The following NLRP6 variants were observed in gnomAD, a reference collection of about 807,000 sequenced individuals.
NLRP6 encodes NACHT, LRR and PYD domains-containing protein 6.
In NLRP6, 55 loss-of-function variants were observed where a neutral mutation model predicts 70.9. The observed-to-expected ratio is 0.78, with a 90% CI of 0.62 to 0.97. The LOEUF (loss-of-function observed/expected upper bound fraction) is 0.97, where lower values mean the gene tolerates loss of function less well. Ranked by LOEUF, NLRP6 falls within the 50% of genes least tolerant of loss-of-function variation. The probability of loss-of-function intolerance (pLI) is 0.00; values close to 1 mark genes in which losing one functional copy is unlikely to be tolerated. For synonymous variants in NLRP6, 652 were observed against 581.9 expected (o/e 1.12, Z -1.73); for missense variants, 1,241 against 1,238.3 (o/e 1.00, Z -0.03).
Position 280,229 on chromosome 11 carries a change from C to G in NLRP6, c.495C>G (p.Pro165=), listed in dbSNP as rs1188307959. The G allele has an allele frequency of 1.9e-6, 3 of 1,542,932 alleles. No homozygotes were observed. The highest frequency in any genetic ancestry group is 2.6e-6 in the Non-Finnish European group (3 of 1,144,568). ...ESAAPEEAMG[P]AEEPEPGRAR... is the part of the protein sequence containing the mutation. ...CCGCCCCGGAGGAGGCGATGGGGCCCGCGGAAGAGCCTGAGCCGGGGCGCG... is the reference window on the plus strand; with the variant it reads ...CCGCCCCGGAGGAGGCGATGGGGCCGGCGGAAGAGCCTGAGCCGGGGCGCG... Residue 165 remains proline, a synonymous_variant, in exon 4 of 8, where the codon CCC becomes CCG. Coordinates refer to ENST00000534750, the MANE Select transcript of NLRP6 (RefSeq NM_001276700.2).
Position 278,494 on chromosome 11 carries a change from C to A in NLRP6, c.-76C>A. On this transcript the variant is annotated 5_prime_UTR_variant, in exon 1 of 8. Coordinates refer to ENST00000534750, the MANE Select transcript of NLRP6 (RefSeq NM_001276700.2). This position sits in a 1 kb window ranked among gnomAD's most constrained non-coding sequence, Gnocchi z 4.7. ...GACAACCTCTAAGACTTGGCTCCAG[C>A]TCAGCCTGTGAAGGAATCACCTCTC... The A allele has an allele frequency of 1.5e-6, 2 of 1,292,016 alleles. No individual in the cohort carries two copies. Among genetic ancestry groups the A allele is most frequent in the Non-Finnish European group, 2.1e-6 (2 of 956,032 alleles). The allele number at this position is 1,292,016 out of a possible 1,614,324, so 80.0% of individuals were successfully genotyped here. A position where few individuals can be genotyped will look rare whatever the true frequency, so the allele number is the denominator to read the frequency against.
intron 5 of NLRP6, among the ~76,000 whole-genome samples, chr11:283,357 A>G (rs192525900): frequency 2.7e-4 from 34 of 127,348 alleles, no homozygotes; most frequent in African/African-American, 1.0e-3. Context: ...TCTGTCGCCC[A>G]GGCTGGAGTG....
chr11:280,200 A>T lies in NLRP6; in HGVS notation c.466A>T (p.Ser156Cys), dbSNP rs1420010247. ...CACCAAGCTGCTCATCGCGCCCGAG[A>T]GCGCCGCCCCGGAGGAGGCGATGGG... ...RFTKLLIAPE[S>C]AAPEEAMGPA... Residue 156 changes from serine to cysteine, a missense_variant, in exon 4 of 8, where the codon AGC (serine) becomes TGC (cysteine). Transcript: ENST00000534750. The T allele has an allele frequency of 6.5e-7, 1 of 1,547,008 alleles. No homozygotes were observed.
At chr11:283,470 C>G (rs576202821) in intron 5 of NLRP6, among the ~76,000 whole-genome samples, 3 of 152,116 alleles carry the variant, frequency 2.0e-5, no homozygotes, top group African/African-American at 7.2e-5. Flanking sequence ...CCCGCCACTA[C>G]GCCCGGCTAA....
rs1307790031 is a variant in NLRP6, at chr11:281,574, G to T, written c.1840G>T (p.Glu614Ter). The T allele has an allele frequency of 1.9e-6, 3 of 1,611,194 alleles. No individual in the cohort carries two copies. Among genetic ancestry groups the T allele is most frequent in the Non-Finnish European group, 2.5e-6 (3 of 1,178,812 alleles). Reference protein sequence around the residue: ...EEPEEEEEGEEPNYPLELLYC... With the variant: ...EEPEEEEEGE ...GCCAGAGGAGGAGGAGGAGGGAGAG[G>T]AGCCCAACTACCCACTGGAGTTGCT... The change falls in exon 4 of 8, where the codon GAG (glutamate) becomes TAG (stop). Residue 614 changes from glutamate (E) to a stop codon, truncating the protein, a stop_gained. Coordinates refer to ENST00000534750, the MANE Select transcript of NLRP6 (RefSeq NM_001276700.2). LOFTEE classifies it high-confidence loss of function.
chr11:284,395 G>C lies in NLRP6; in HGVS notation c.2364G>C (p.Thr788=), dbSNP rs138103882. The part of the protein sequence containing the change: ...GLAWPQCRVQ[T]VRVQLPDPQR... Reference sequence around the variant, plus strand: ...CCTGGCCGCAGTGCAGGGTGCAGACGGTCAGGTGAGGCCTGGCCTGGGAGG... The same window carrying C: ...CCTGGCCGCAGTGCAGGGTGCAGACCGTCAGGTGAGGCCTGGCCTGGGAGG... Residue 788 remains threonine (T), a synonymous_variant, in exon 6 of 8, where the codon ACG becomes ACC. Transcript: ENST00000534750. The C allele has an allele frequency of 2.8e-5, 44 of 1,598,530 alleles. No individual in the cohort carries two copies. The African/African-American group carries it at 5.1e-4, about 18-fold the overall frequency.
chr11:278,614 AG>A lies in NLRP6; in HGVS notation c.29+19del. 6.3e-7 allele frequency: 1 copy of A among 1,578,902 alleles called. No individual in the cohort carries two copies. On this transcript the variant is annotated intron_variant, in intron 1 of 7. Transcript: ENST00000534750. This position sits in a 1 kb window ranked among gnomAD's most constrained non-coding sequence, Gnocchi z 4.7. ...CCTGCTCCAGGTGAGTGCTGGCCCCAGGGTGGTCACTGGGAACCGGCTGGTC... is the reference window on the plus strand; with the variant it reads ...CCTGCTCCAGGTGAGTGCTGGCCCCAGGTGGTCACTGGGAACCGGCTGGTC...
chr11:279,839 G>C lies in NLRP6; in HGVS notation c.316G>C (p.Gly106Arg), dbSNP rs1345932384. Reference protein sequence around the residue: ...QLQERRLQRLGLGSGTLLSVS... With the variant: ...QLQERRLQRLRLGSGTLLSVS... ...CACCCCAGTTTCCCTTCCAGGGCTCGGGCTCGGCTCCGGGACGCTGCTCTC... is the reference window on the plus strand; with the variant it reads ...CACCCCAGTTTCCCTTCCAGGGCTCCGGCTCGGCTCCGGGACGCTGCTCTC... The change falls in exon 3 of 8, where the codon GGG (glycine) becomes CGG (arginine). Residue 106 changes from glycine (G) to arginine (R), a missense_variant. Gly to Arg is a moderately radical substitution (Grantham distance 125). Coordinates refer to ENST00000534750, the MANE Select transcript of NLRP6 (RefSeq NM_001276700.2). The C allele has an allele frequency of 6.3e-7, 1 of 1,575,882 alleles. No homozygotes were observed. Among genetic ancestry groups the C allele is most frequent in the South Asian group, 1.2e-5 (1 of 86,740 alleles).
At chr11:284,203 GTA>G in intron 5 of NLRP6, 25 bp from the exon 6 acceptor site, 1 of 1,611,216 alleles carries the variant, frequency 6.2e-7, no homozygotes, top group Non-Finnish European at 8.5e-7. Flanking sequence ...GCGCCTGCAG[GTA>G]AATCTCTGTG....
chr11:279,540 C>A lies in NLRP6; in HGVS notation c.243C>A (p.Ala81=). The change falls in exon 2 of 8, where the codon GCC becomes GCA. Residue 81 remains alanine (A), a synonymous_variant. Coordinates refer to ENST00000534750, the MANE Select transcript of NLRP6 (RefSeq NM_001276700.2). ...GCCCGGAGCCTGCCCTGGAGGTGGCCCGCAAGACCCTCAAGAGGGCGGACG... is the reference window on the plus strand; with the variant it reads ...GCCCGGAGCCTGCCCTGGAGGTGGCACGCAAGACCCTCAAGAGGGCGGACG... The part of the protein sequence containing the change: ...FYGPEPALEV[A]RKTLKRADAR... 6.9e-7 allele frequency: 1 copy of A among 1,449,926 alleles called. No individual in the cohort carries two copies. The highest frequency in any genetic ancestry group is 9.1e-7 in the Non-Finnish European group (1 of 1,103,892). The allele number at this position is 1,449,926 out of a possible 1,614,324, so 89.8% of individuals were successfully genotyped here.
chr11:282,717 C>T lies in NLRP6; in HGVS notation c.2118C>T (p.Thr706=), dbSNP rs1406642326. ...ASLGGGSSQG[T]TKQLPASLLH... is the part of the protein sequence containing the mutation. ...TCTCTCCCAGCAGTTCTCAAGGCACCACAAAACAACTGCCAGCCTCCCTTC... is the reference window on the plus strand; with the variant it reads ...TCTCTCCCAGCAGTTCTCAAGGCACTACAAAACAACTGCCAGCCTCCCTTC... Residue 706 remains threonine, a synonymous_variant, in exon 5 of 8, where the codon ACC becomes ACT. Transcript: ENST00000534750. The T allele has an allele frequency of 1.9e-6, 3 of 1,613,868 alleles. No homozygotes were observed. In the East Asian group the frequency reaches 6.7e-5, roughly 36 times the overall value.
At position 285,325 on chromosome 11, in the gene NLRP6, G is replaced by T; in HGVS notation, c.*21G>T. On this transcript the variant is annotated 3_prime_UTR_variant, in exon 8 of 8. Transcript: ENST00000534750. ...TCTGAGGCTCTGGTGGCCAGAGCAG[G>T]GTGGAAGACCCTAGTCAAAGTCCCT... is the stretch of plus-strand genomic sequence containing the variant. 1 of 1,603,832 alleles carries T rather than the reference G, an allele frequency of 6.2e-7. No homozygotes were observed.
In NLRP6 at chr11:280,110, G is replaced by A. The variant is rs1436171512; in HGVS notation, c.376G>A (p.Val126Met). ...GTACAAGAAGAAGTACCGGGAGCAC[G>A]TGCTGCAGCTGCACGCTCGGGTGAA... ...SEYKKKYREHVLQLHARVKER... is the reference protein window; with the variant it reads ...SEYKKKYREHMLQLHARVKER... The change falls in exon 4 of 8, where the codon GTG becomes ATG. Residue 126 changes from valine to methionine, a missense_variant. By Grantham distance (21) the Val-to-Met change is conservative. Coordinates refer to ENST00000534750, the MANE Select transcript of NLRP6 (RefSeq NM_001276700.2). 1.3e-6 allele frequency: 2 copies of A among 1,524,384 alleles called. No individual in the cohort carries two copies. The highest frequency in any genetic ancestry group is 1.8e-6 in the Non-Finnish European group (2 of 1,137,552). The allele number at this position is 1,524,384 out of a possible 1,614,324, so 94.4% of individuals were successfully genotyped here. A position where few individuals can be genotyped will look rare whatever the true frequency, so the allele number is the denominator to read the frequency against.
At position 284,603 on chromosome 11, in the gene NLRP6, C is replaced by CAG. The variant is rs1338893203; in HGVS notation, c.2499_2500dup (p.Val834GlufsTer20). The CAG allele has an allele frequency of 6.2e-7, 1 of 1,610,752 alleles. No homozygotes were observed. Among genetic ancestry groups the CAG allele is most frequent in the Non-Finnish European group, 8.5e-7 (1 of 1,179,720 alleles). The stretch of plus-strand genomic sequence containing the variant: ...GCCCCCATGGTGACCTACCTGTGTG[C>CAG]AGTCCTGCAGCACCAGGGATGCGGC... On this transcript the variant is annotated frameshift_variant, in exon 7 of 8. Coordinates refer to ENST00000534750, the MANE Select transcript of NLRP6 (RefSeq NM_001276700.2). LOFTEE classifies it low-confidence loss of function (END_TRUNC).
rs1845452638 is a variant in NLRP6 at position 280,385 on chromosome 11, C to T, written c.651C>T (p.Tyr217=). 2 of 1,558,534 alleles carry T rather than the reference C, an allele frequency of 1.3e-6. No individual in the cohort carries two copies. Among genetic ancestry groups the T allele is most frequent in the African/African-American group, 2.7e-5 (2 of 73,110 alleles). Residue 217 remains tyrosine (Y), a synonymous_variant, in exon 4 of 8, where the codon TAC becomes TAT. Coordinates refer to ENST00000534750, the MANE Select transcript of NLRP6 (RefSeq NM_001276700.2). The part of the protein sequence containing the change: ...GKTMAAKKIL[Y]DWAAGKLYQG... The stretch of plus-strand genomic sequence containing the variant: ...CCATGGCGGCCAAAAAGATCCTGTA[C>T]GACTGGGCGGCGGGCAAGCTGTACC...
rs774312310 is a variant in NLRP6 at position 281,393 on chromosome 11, G to C, written c.1659G>C (p.Ala553=). Residue 553 remains alanine, a synonymous_variant, in exon 4 of 8, where the codon GCG becomes GCC. Coordinates refer to ENST00000534750, the MANE Select transcript of NLRP6 (RefSeq NM_001276700.2). ...GCTTCCTCTTCGGACTGCTGAGCGC[G>C]GAGCGGATGCGCGACATCGAGCGCC... The part of the protein sequence containing the change: ...TTRFLFGLLS[A]ERMRDIERHF... 1.2e-6 allele frequency: 2 copies of C among 1,609,552 alleles called. No individual in the cohort carries two copies. Among genetic ancestry groups the C allele is most frequent in the Admixed American group, 3.4e-5 (2 of 59,218 alleles).
chr11:280,601 C>A lies in NLRP6; in HGVS notation c.867C>A (p.Gly289=). The A allele has an allele frequency of 6.9e-7, 1 of 1,444,520 alleles. No individual in the cohort carries two copies. Among genetic ancestry groups the A allele is most frequent in the Non-Finnish European group, 9.0e-7 (1 of 1,111,918 alleles). The allele number at this position is 1,444,520 out of a possible 1,614,324, so 89.5% of individuals were successfully genotyped here. The change falls in exon 4 of 8, where the codon GGC becomes GGA. Residue 289 remains glycine (G), a synonymous_variant. Coordinates refer to ENST00000534750, the MANE Select transcript of NLRP6 (RefSeq NM_001276700.2). ...DGADELPALG[G]PEAAPCTDPF... is the part of the protein sequence containing the mutation. ...CGGACGAGCTGCCGGCGCTGGGGGG[C>A]CCCGAGGCCGCGCCCTGCACAGACC...
Position 280,504 on chromosome 11 carries a change from G to A in NLRP6, c.770G>A (p.Cys257Tyr). 1 of 1,576,934 alleles carries A rather than the reference G, an allele frequency of 6.3e-7. No homozygotes were observed. Among genetic ancestry groups the A allele is most frequent in the Non-Finnish European group, 8.5e-7 (1 of 1,172,264 alleles). ...CTGGCTGACCTGATCCTGGACCAGT[G>A]CCCCGACCGCGGCGCGCCGGTGCCG... is the stretch of plus-strand genomic sequence containing the variant. Reference protein sequence around the residue: ...RSLADLILDQCPDRGAPVPQM... With the variant: ...RSLADLILDQYPDRGAPVPQM... Residue 257 changes from cysteine to tyrosine, a missense_variant, in exon 4 of 8, where the codon TGC (cysteine) becomes TAC (tyrosine). Transcript: ENST00000534750.
chr11:280,916 G>C lies in NLRP6; in HGVS notation c.1182G>C (p.Val394=), dbSNP rs756102240. The C allele has an allele frequency of 1.9e-6, 3 of 1,613,290 alleles. No individual in the cohort carries two copies. The South Asian group carries it at 3.3e-5, about 18-fold the overall frequency. The change falls in exon 4 of 8, where the codon GTG becomes GTC. Residue 394 remains valine (V), a synonymous_variant. Transcript: ENST00000534750. ...TCGTGCCCTTCGTGTGCTGGATCGTGTGCACCGTGCTGCGCCAGCAGCTGG... is the reference window on the plus strand; with the variant it reads ...TCGTGCCCTTCGTGTGCTGGATCGTCTGCACCGTGCTGCGCCAGCAGCTGG... ...LCFVPFVCWI[V]CTVLRQQLEL...
Sources: gnomAD v4.1 joint callset for allele counts (sites outside exome capture counted in the v4.1 genomes callset) on GRCh38, gnomAD v4.1.1 for gene constraint, Gnocchi (gnomAD v3.1) non-coding constraint, MANE v1.5 for transcripts, NCBI Gene and HGNC (gene_info 2026-07-23, HGNC 2026-07-21) for gene names.